Variants in EYS observed in about 807,000 individuals in gnomAD.
The protein encoded by EYS is protein eyes shut homolog.
In EYS, 250 loss-of-function variants were observed where a neutral mutation model predicts 282.1. The observed-to-expected ratio is 0.89, with a 90% CI of 0.80 to 0.98. The LOEUF (loss-of-function observed/expected upper bound fraction) is 0.98, where lower values mean the gene tolerates loss of function less well. Ranked by LOEUF, EYS falls within the 50% of genes least tolerant of loss-of-function variation. The pLI is 0.00. For missense variants in EYS, 4,016 were observed against 3,709.0 expected, an observed-to-expected ratio of 1.08 and a Z score of -2.15; for synonymous variants, 1,355 against 1,282.9, an observed-to-expected ratio of 1.06 and a Z score of -1.20.
At chr6:64,793,453 A>G (rs1371366059) in intron 22 of EYS, among the ~76,000 whole-genome samples, 1 of 152,148 alleles carries the variant, frequency 6.6e-6, no homozygotes, top group East Asian at 1.9e-4. Context: ...GGAATGTAAA[A>G]ACATTGAGTT....
At chr6:65,206,768 G>A (rs957032360) in intron 12 of EYS, among the ~76,000 whole-genome samples, 14 of 151,636 alleles carry the variant, frequency 9.2e-5, no homozygotes, top group African/African-American at 3.1e-4. Flanking sequence ...AATTAAAAAC[G>A]AAAACCATTT....
At chr6:64,014,991 G>C (rs748273057) in intron 33 of EYS, among the ~76,000 whole-genome samples, 1 of 152,080 alleles carries the variant, frequency 6.6e-6, no homozygotes, top group Non-Finnish European at 1.5e-5. Flanking sequence ...AAAATAGGTA[G>C]AACTGATGAA....
chr6:64,565,656 G>T (rs1765542914), intron 26 of EYS, among the ~76,000 whole-genome samples: 1 of 152,016 alleles, frequency 6.6e-6, no homozygotes, highest in African/African-American at 2.4e-5. Context: ...AGTTTGAGTT[G>T]TGTAGATTAA....
At chr6:64,387,368 T>C (rs1772947878) in intron 29 of EYS, among the ~76,000 whole-genome samples, 1 of 152,162 alleles carries the variant, frequency 6.6e-6, no homozygotes, top group South Asian at 2.1e-4. Flanking sequence ...TCAGCTATAT[T>C]TATATTCAGG....
At chr6:64,505,877 A>G (rs768601857) in intron 26 of EYS, among the ~76,000 whole-genome samples, 1 of 152,164 alleles carries the variant, frequency 6.6e-6, no homozygotes, top group South Asian at 2.1e-4. Flanking sequence ...AATAACCTAA[A>G]GTGTTATTTG....
intron 12 of EYS, among the ~76,000 whole-genome samples, chr6:65,128,077 A>G (rs554990857): frequency 6.6e-6 from 1 of 152,182 alleles, no homozygotes; most frequent in African/African-American, 2.4e-5. Flanking sequence ...AGAACTTCCC[A>G]TGGTCAAACT....
rs1320233176 is a variant in EYS, at chr6:64,391,975, C to G, written c.5928-3135G>C. Among the ~76,000 whole-genome samples, 12 of 151,824 alleles carry G rather than the reference C, an allele frequency of 7.9e-5. 1 individual carries two copies. In the East Asian group the frequency reaches 1.9e-3, roughly 25 times the overall value. On this transcript the variant is annotated intron_variant, in intron 28 of 42. Coordinates refer to ENST00000503581, the MANE Select transcript of EYS (RefSeq NM_001142800.2). The stretch of plus-strand genomic sequence containing the variant: ...AACAAAAAAAGGCAGGGGTTGCAAT[C>G]CTAGTCTCTGATAAAACAGACTTTA...
intron 29 of EYS, among the ~76,000 whole-genome samples, chr6:64,320,296 T>C (rs1254740774): frequency 6.6e-6 from 1 of 151,958 alleles, no homozygotes; most frequent in Non-Finnish European, 1.5e-5. Flanking sequence ...TATCTCTCCA[T>C]CTTTTGGAAC....
intron 14 of EYS, among the ~76,000 whole-genome samples, chr6:64,946,996 C>T (rs1005091436): frequency 2.0e-5 from 3 of 151,730 alleles, no homozygotes; most frequent in Non-Finnish European, 2.9e-5. Flanking sequence ...TTAGATAATG[C>T]CAGCCCAGTT....
chr6:65,684,601 C>T (rs918151968), intron 1 of EYS, among the ~76,000 whole-genome samples: 1 of 151,922 alleles, frequency 6.6e-6, no homozygotes, highest in African/African-American at 2.4e-5. Flanking sequence ...GGGCTGTTTT[C>T]CACTGGAGAA....
At chr6:65,153,178 C>T (rs370481200) in intron 12 of EYS, among the ~76,000 whole-genome samples, 2 of 151,816 alleles carry the variant, frequency 1.3e-5, no homozygotes, top group East Asian at 3.9e-4. Context: ...ATATTATAAG[C>T]CACCATATGG....
intron 31 of EYS, among the ~76,000 whole-genome samples, chr6:64,108,356 A>C (rs1279171498): frequency 6.6e-6 from 1 of 151,986 alleles, no homozygotes; most frequent in Non-Finnish European, 1.5e-5. Flanking sequence ...TCCAATGTTG[A>C]GGGCTGTTGT....
intron 22 of EYS, among the ~76,000 whole-genome samples, chr6:64,627,243 A>T (rs763387685): frequency 6.6e-6 from 1 of 152,232 alleles, no homozygotes; most frequent in Non-Finnish European, 1.5e-5. Flanking sequence ...AAAATAGACA[A>T]GTAGCCGACA....
At chr6:65,603,447 G>C (rs1239232318) in intron 2 of EYS, among the ~76,000 whole-genome samples, 3 of 151,890 alleles carry the variant, frequency 2.0e-5, no homozygotes, top group Admixed American at 6.6e-5. Context: ...ACTACAATTT[G>C]CCTTCATAAA....
At chr6:63,921,979 T>G (rs1453252945) in intron 35 of EYS, among the ~76,000 whole-genome samples, 1 of 152,182 alleles carries the variant, frequency 6.6e-6, no homozygotes, top group Non-Finnish European at 1.5e-5. Context: ...AGTGGGGGCC[T>G]AACCTAATAA....
chr6:63,954,332 C>T (rs1025910072), intron 35 of EYS, among the ~76,000 whole-genome samples: 1 of 152,154 alleles, frequency 6.6e-6, no homozygotes, highest in Non-Finnish European at 1.5e-5. Context: ...ACCATTTTGC[C>T]CCCCTCCACT....
chr6:64,653,465 A>G (rs1175242335), intron 22 of EYS, among the ~76,000 whole-genome samples: 6 of 152,138 alleles, frequency 3.9e-5, no homozygotes, highest in Non-Finnish European at 7.4e-5. Context: ...TTAATACTCA[A>G]TTTTTAATAT....
intron 19 of EYS, among the ~76,000 whole-genome samples, chr6:64,849,312 G>C (rs1166864324): frequency 6.6e-6 from 1 of 151,274 alleles, no homozygotes; most frequent in Non-Finnish European, 1.5e-5. Context: ...TATCCAGTTG[G>C]TTATATAAGA....
At chr6:64,710,600 C>T (rs1771176553) in intron 22 of EYS, among the ~76,000 whole-genome samples, 1 of 152,214 alleles carries the variant, frequency 6.6e-6, no homozygotes, top group Non-Finnish European at 1.5e-5. Flanking sequence ...CTGCTTCCTT[C>T]CTGTGTTTCC....
Sources: gnomAD v4.1 joint callset for allele counts (sites outside exome capture counted in the v4.1 genomes callset) on GRCh38, gnomAD v4.1.1 for gene constraint, MANE v1.5 for transcripts, NCBI Gene and HGNC (gene_info 2026-07-23, HGNC 2026-07-21) for gene names.